The following KLF15 variants were observed in gnomAD, a reference collection of about 807,000 sequenced individuals.
The protein encoded by KLF15 is Krueppel-like factor 15.
A neutral mutation model predicts 24.6 loss-of-function variants in KLF15; 4 were observed. The observed-to-expected ratio is 0.16, with a 90% CI of 0.08 to 0.37. KLF15 has a LOEUF of 0.37. Among genes scored for constraint, KLF15 ranks in the 10% least tolerant of loss-of-function variants. The probability of loss-of-function intolerance (pLI) is 1.00; values close to 1 mark genes in which losing one functional copy is unlikely to be tolerated. For missense variants in KLF15, 496 were observed against 560.6 expected (o/e 0.88, Z 1.16); for synonymous variants, 246 against 236.3 (o/e 1.04, Z -0.37).
At chr3:126,351,051 C>T (rs1461936459) in intron 2 of KLF15, among the ~76,000 whole-genome samples, 1 of 151,440 alleles carries the variant, frequency 6.6e-6, no homozygotes. Flanking sequence ...ACAGCCACTC[C>T]CAAGGAGGTT....
downstream of KLF15, among the ~76,000 whole-genome samples, chr3:126,337,666 T>C (rs2082448721): frequency 6.6e-6 from 1 of 152,150 alleles, no homozygotes; most frequent in African/African-American, 2.4e-5. Flanking sequence ...ATATTAAGGA[T>C]ATACTCAAGT....
At chr3:126,340,704 G>C (rs1004923353), downstream of KLF15, among the ~76,000 whole-genome samples, 1 of 152,064 alleles carries the variant, frequency 6.6e-6, no homozygotes, top group Non-Finnish European at 1.5e-5. Flanking sequence ...ATTCCTCACC[G>C]TGGTGAGTCC....
At chr3:126,323,403 TTATATATATATATATATATA>T in the KLF15 span, among the ~76,000 whole-genome samples, 16 of 50,830 alleles carry the variant, frequency 3.1e-4, no homozygotes, top group African/African-American at 1.2e-3. Context: ...GCCCCAGTAG[TTATATATATATATATATATA>T]TATATATATA....
chr3:126,355,441 C>A (rs541359589), intron 1 of KLF15, among the ~76,000 whole-genome samples: 3 of 152,200 alleles, frequency 2.0e-5, no homozygotes, highest in African/African-American at 7.2e-5. Flanking sequence ...AGCCTCAGCC[C>A]GGGGCCACTG....
At chr3:126,306,103 C>T in the KLF15 span, among the ~76,000 whole-genome samples, 1 of 152,176 alleles carries the variant, frequency 6.6e-6, no homozygotes, top group Non-Finnish European at 1.5e-5. Flanking sequence ...GTCTCAGATG[C>T]TCAGTTTTCC....
the KLF15 span, among the ~76,000 whole-genome samples, chr3:126,315,773 A>C: frequency 3.3e-5 from 5 of 152,110 alleles, no homozygotes; most frequent in Non-Finnish European, 4.4e-5. Context: ...TGGGCTTTCT[A>C]CCTATCCTTT....
At chr3:126,346,435 C>T (rs555291697) in intron 2 of KLF15, among the ~76,000 whole-genome samples, 17 of 152,296 alleles carry the variant, frequency 1.1e-4, no homozygotes, top group Admixed American at 9.8e-4. Context: ...TGACAGTTCC[C>T]ACCCCACTGG....
At chr3:126,334,336 G>GA in the KLF15 span, among the ~76,000 whole-genome samples, 1 of 142,114 alleles carries the variant, frequency 7.0e-6, no homozygotes, top group Non-Finnish European at 1.5e-5. Flanking sequence ...GGTACATAAC[G>GA]AAATGAAGGC....
At position 126,343,641 on chromosome 3, in the gene KLF15, T is replaced by C; in HGVS notation, c.*86A>G. On this transcript the variant is annotated 3_prime_UTR_variant, in exon 3 of 3. Transcript: ENST00000296233. Reference sequence around the variant, plus strand: ...GGCTGGTAACATTGCCATGTCCCTCTGGAGGAGGCAAATAAATTATTGCTT... The same window carrying C: ...GGCTGGTAACATTGCCATGTCCCTCCGGAGGAGGCAAATAAATTATTGCTT... 2 of 1,362,252 alleles carry C rather than the reference T, an allele frequency of 1.5e-6. No individual in the cohort carries two copies. Among genetic ancestry groups the C allele is most frequent in the Non-Finnish European group, 2.0e-6 (2 of 980,352 alleles). 84.4% of individuals were successfully genotyped at this position (1,362,252 alleles called of 1,614,324 possible). A position where few individuals can be genotyped will look rare whatever the true frequency, so the allele number is the denominator to read the frequency against.
At chr3:126,310,060 G>A in the KLF15 span, among the ~76,000 whole-genome samples, 27 of 152,332 alleles carry the variant, frequency 1.8e-4, no homozygotes, top group African/African-American at 5.8e-4. Context: ...GCCTGGTGAG[G>A]GCTTCGTGCT....
At chr3:126,329,615 T>A in the KLF15 span, among the ~76,000 whole-genome samples, 8 of 152,354 alleles carry the variant, frequency 5.3e-5, no homozygotes, top group East Asian at 7.7e-4. Context: ...TTGGGTTGCA[T>A]CTTATACATT....
chr3:126,343,386 G>T lies in KLF15; in HGVS notation c.*341C>A. 1 of 305,458 alleles carries T rather than the reference G, an allele frequency of 3.3e-6. No homozygotes were observed. Among genetic ancestry groups the T allele is most frequent in the South Asian group, 4.4e-5 (1 of 22,558 alleles). The allele number at this position is 305,458 out of a possible 1,614,324, so 18.9% of individuals were successfully genotyped here. ...TCTGGCCTTGGCCCAGGATGGGGGA[G>T]CCCAGTGGGAGAAGGGCCAGGTCCC... On this transcript the variant is annotated 3_prime_UTR_variant, in exon 3 of 3. Coordinates refer to ENST00000296233, the MANE Select transcript of KLF15 (RefSeq NM_014079.4).
At chr3:126,346,791 G>A (rs1056934279) in intron 2 of KLF15, among the ~76,000 whole-genome samples, 8 of 152,168 alleles carry the variant, frequency 5.3e-5, no homozygotes, top group Admixed American at 3.3e-4. Context: ...CTACAGTGGG[G>A]GATGTGGGAA....
the KLF15 span, among the ~76,000 whole-genome samples, chr3:126,306,592 T>C: frequency 6.6e-6 from 1 of 152,238 alleles, no homozygotes; most frequent in African/African-American, 2.4e-5. Flanking sequence ...CGTGAATACA[T>C]ACACACATGC....
At chr3:126,289,226 A>C in the KLF15 span, among the ~76,000 whole-genome samples, 3 of 152,068 alleles carry the variant, frequency 2.0e-5, no homozygotes, top group African/African-American at 7.3e-5. Flanking sequence ...AAAAGTTTTA[A>C]AGCCAAATAT....
At chr3:126,330,712 T>C in the KLF15 span, among the ~76,000 whole-genome samples, 1 of 152,228 alleles carries the variant, frequency 6.6e-6, no homozygotes, top group Non-Finnish European at 1.5e-5. Context: ...TGCTCTTCCC[T>C]GTGTCTCATT....
At chr3:126,307,955 C>T in the KLF15 span, among the ~76,000 whole-genome samples, 1 of 152,168 alleles carries the variant, frequency 6.6e-6, no homozygotes, top group Admixed American at 6.5e-5. Context: ...GGGGGTTTGG[C>T]TGTGCCCGCA....
Position 126,353,079 on chromosome 3 carries a change from C to G in KLF15, c.-25-132G>C, listed in dbSNP as rs747625043. ...CAAACGCCTGGATCCTGCTTCCATC[C>G]CCCAGGAGAGCTGTGCCTGCAAGAG... On this transcript the variant is annotated intron_variant, in intron 1 of 2. Transcript: ENST00000296233. The G allele has an allele frequency of 6.6e-6, 7 of 1,062,528 alleles. No individual in the cohort carries two copies. The East Asian group carries it at 8.2e-5, about 12-fold the overall frequency. The allele number at this position is 1,062,528 out of a possible 1,614,324, so 65.8% of individuals were successfully genotyped here. A position where few individuals can be genotyped will look rare whatever the true frequency, so the allele number is the denominator to read the frequency against.
chr3:126,326,362 C>T, the KLF15 span, among the ~76,000 whole-genome samples: 1 of 151,722 alleles, frequency 6.6e-6, no homozygotes, highest in African/African-American at 2.4e-5. Flanking sequence ...TCATTGGTAG[C>T]TTGATGGGGA....
Sources: allele counts gnomAD v4.1 joint callset (sites outside exome capture counted in the v4.1 genomes callset), GRCh38; gene constraint gnomAD v4.1.1; transcripts MANE v1.5; gene names NCBI Gene and HGNC (gene_info 2026-07-23, HGNC 2026-07-21).